PDE8B: variants seen among roughly 807,000 people sequenced by gnomAD.
PDE8B encodes phosphodiesterase 8B.
Under a neutral mutation model 101.3 loss-of-function variants are expected in PDE8B, and 26 were observed. That is an observed-to-expected ratio of 0.26 (90% confidence interval 0.19 to 0.36). PDE8B has a LOEUF of 0.36. Among genes scored for constraint, PDE8B ranks in the 10% least tolerant of loss-of-function variants. The probability of loss-of-function intolerance (pLI) is 1.00; values close to 1 mark genes in which losing one functional copy is unlikely to be tolerated. For missense variants in PDE8B, 810 were observed against 1,163.1 expected, an observed-to-expected ratio of 0.70 and a Z score of 4.42; for synonymous variants, 424 against 429.3, an observed-to-expected ratio of 0.99 and a Z score of 0.15.
chr5:77,248,214 A>G (rs1373435408), intron 1 of PDE8B, among the ~76,000 whole-genome samples: 1 of 152,228 alleles, frequency 6.6e-6, no homozygotes, highest in Non-Finnish European at 1.5e-5. Context: ...CGATGAGGGC[A>G]GGGGCTATTG....
chr5:77,284,935 A>G (rs949916158), intron 1 of PDE8B, among the ~76,000 whole-genome samples: 2 of 152,156 alleles, frequency 1.3e-5, no homozygotes, highest in African/African-American at 2.4e-5. Flanking sequence ...ATTCTTGGAC[A>G]TATCTTTTGG....
the PDE8B span, chr5:77,087,143 G>C: frequency 6.6e-6 from 1 of 152,376 alleles, no homozygotes; most frequent in Non-Finnish European, 1.5e-5. Flanking sequence ...CGGAGCCGGC[G>C]GCGGGTCGGG....
intron 10 of PDE8B, among the ~76,000 whole-genome samples, chr5:77,382,088 A>AAAAAAT (rs1561621032): frequency 1.3e-5 from 2 of 152,206 alleles, no homozygotes; most frequent in African/African-American, 4.8e-5. Flanking sequence ...ACTCAGTTGA[A>AAAAAAT]CATACAATTT....
chr5:77,270,187 C>T (rs1199463436), intron 1 of PDE8B, among the ~76,000 whole-genome samples: 1 of 152,094 alleles, frequency 6.6e-6, no homozygotes, highest in Non-Finnish European at 1.5e-5. Context: ...AGATCTTTCA[C>T]TTATTTTGTT....
the PDE8B span, among the ~76,000 whole-genome samples, chr5:77,173,079 T>G: frequency 6.6e-6 from 1 of 152,100 alleles, no homozygotes; most frequent in Non-Finnish European, 1.5e-5. Context: ...TGAACACACT[T>G]GGAGGGTATG....
At chr5:77,300,014 A>G (rs914928083) in intron 1 of PDE8B, among the ~76,000 whole-genome samples, 3 of 152,246 alleles carry the variant, frequency 2.0e-5, no homozygotes, top group East Asian at 1.9e-4. Context: ...TCAAAGACAC[A>G]TGAAGCCATG....
the PDE8B span, among the ~76,000 whole-genome samples, chr5:77,137,290 C>T: frequency 1.2e-4 from 18 of 152,286 alleles, no homozygotes; most frequent in East Asian, 3.9e-4. Flanking sequence ...AGAGACTGGC[C>T]TAGCAGGGCT....
chr5:77,356,684 C>A (rs1343728805), intron 10 of PDE8B, among the ~76,000 whole-genome samples: 13 of 152,194 alleles, frequency 8.5e-5, no homozygotes, highest in Non-Finnish European at 4.4e-5. Context: ...CCTGCCTCAG[C>A]CTCCCGAAGT....
At chr5:77,369,252 G>T (rs992154742) in intron 10 of PDE8B, among the ~76,000 whole-genome samples, 1 of 145,736 alleles carries the variant, frequency 6.9e-6, no homozygotes, top group Non-Finnish European at 1.5e-5. Context: ...GAGATGTTTT[G>T]ATCAAAACAT....
intron 1 of PDE8B, among the ~76,000 whole-genome samples, chr5:77,275,058 T>C (rs1446693724): frequency 2.6e-5 from 4 of 152,068 alleles, no homozygotes; most frequent in Non-Finnish European, 5.9e-5. Context: ...TTACACCACA[T>C]AGTATCACAC....
chr5:77,256,309 G>T (rs573929729), intron 1 of PDE8B, among the ~76,000 whole-genome samples: 39 of 152,252 alleles, frequency 2.6e-4, no homozygotes, highest in Non-Finnish European at 4.9e-4. Flanking sequence ...ACACACGCAT[G>T]CTCACACACA....
At chr5:77,377,699 A>G (rs1207345188) in intron 10 of PDE8B, among the ~76,000 whole-genome samples, 1 of 152,222 alleles carries the variant, frequency 6.6e-6, no homozygotes, top group East Asian at 1.9e-4. Context: ...AATTTGAATC[A>G]GAGGACAGGA....
the PDE8B span, among the ~76,000 whole-genome samples, chr5:77,125,402 G>A: frequency 6.6e-6 from 1 of 152,200 alleles, no homozygotes; most frequent in Admixed American, 6.5e-5. Context: ...AAGCAGTTTG[G>A]TGGTTCTTCA....
the PDE8B span, among the ~76,000 whole-genome samples, chr5:77,123,961 C>G: frequency 6.6e-6 from 1 of 152,148 alleles, no homozygotes; most frequent in Non-Finnish European, 1.5e-5. Flanking sequence ...CAGTAAAAAT[C>G]CTGGAAAGGC....
intron 1 of PDE8B, among the ~76,000 whole-genome samples, chr5:77,260,587 T>TTTTA: frequency 7.0e-6 from 1 of 143,638 alleles, no homozygotes; most frequent in East Asian, 2.0e-4. Context: ...GGCTCATTTT[T>TTTTA]TTTTTTTTTT....
At chr5:77,222,134 G>C (rs1233977724) in intron 1 of PDE8B, among the ~76,000 whole-genome samples, 1 of 152,194 alleles carries the variant, frequency 6.6e-6, no homozygotes. Context: ...TTGAATTCCA[G>C]CTCTGCCCTG....
chr5:77,245,635 C>T (rs369868814), intron 1 of PDE8B, among the ~76,000 whole-genome samples: 12 of 152,246 alleles, frequency 7.9e-5, no homozygotes, highest in African/African-American at 2.6e-4. Flanking sequence ...TGTGTGTGCA[C>T]ATGTGTGCAT....
intron 2 of PDE8B, among the ~76,000 whole-genome samples, chr5:77,324,591 A>T (rs540551182): frequency 4.6e-5 from 7 of 152,328 alleles, no homozygotes; most frequent in African/African-American, 1.7e-4. Flanking sequence ...GAGGCAGTTC[A>T]TCAATAGAAG....
rs67676530 is a variant in PDE8B at position 77,378,048 on chromosome 5, ACC to A, written c.1168-22196_1168-22195del. On this transcript the variant is annotated intron_variant, in intron 10 of 21. Transcript: ENST00000264917. ...CACACACACACACACACACACACAC[ACC>A]CCCTGTTGGTTCTTTGTCTAGAGAA... 1.7e-4 allele frequency among the ~76,000 whole-genome samples: 16 copies of A among 93,952 alleles called. No individual in the cohort carries two copies. The East Asian group carries it at 2.2e-3, about 13-fold the overall frequency. The allele number at this position is 93,952 out of a possible 152,430, so 61.6% of individuals were successfully genotyped here.
Sources: gnomAD v4.1 joint callset for allele counts (sites outside exome capture counted in the v4.1 genomes callset) on GRCh38, gnomAD v4.1.1 for gene constraint, MANE v1.5 for transcripts, NCBI Gene and HGNC (gene_info 2026-07-23, HGNC 2026-07-21) for gene names.